The following LPCAT3 variants were observed in gnomAD, a reference collection of about 807,000 sequenced individuals.
The protein encoded by LPCAT3 is lysophosphatidylcholine acyltransferase 3.
In LPCAT3, 21 loss-of-function variants were observed where a neutral mutation model predicts 63.4. That is an observed-to-expected ratio of 0.33 (90% CI 0.23 to 0.48). The LOEUF (loss-of-function observed/expected upper bound fraction) is 0.48, where lower values mean the gene tolerates loss of function less well. Ranked by LOEUF, LPCAT3 falls within the 20% of genes least tolerant of loss-of-function variation. The probability of loss-of-function intolerance (pLI) is 0.99; values close to 1 mark genes in which losing one functional copy is unlikely to be tolerated. For missense variants in LPCAT3, 451 were observed against 590.6 expected, an observed-to-expected ratio of 0.76 and a Z score of 2.45; for synonymous variants, 242 against 227.5, an observed-to-expected ratio of 1.06 and a Z score of -0.58.
At chr12:6,981,458 A>C in intron 5 of LPCAT3, 137 bp downstream of exon 5, 2 of 895,200 alleles carry the variant, frequency 2.2e-6, no homozygotes, top group Non-Finnish European at 3.7e-6. Flanking sequence ...GCTCAGTGCT[A>C]TCTGAAAGGG....
chr12:6,979,659 G>A, intron 6 of LPCAT3, 80 bp from the exon 7 acceptor site: 2 of 952,524 alleles, frequency 2.1e-6, no homozygotes, highest in Non-Finnish European at 3.4e-6. Context: ...GTTATGGAGA[G>A]GAGTGTTTAG....
At chr12:6,979,690 AATGGG>A in intron 6 of LPCAT3, 111 bp from the exon 7 acceptor site, 1 of 728,230 alleles carries the variant, frequency 1.4e-6, no homozygotes. Flanking sequence ...GTCTACCTGG[AATGGG>A]ATGAGAAGCT....
chr12:6,992,963 A>G (rs1188510836), intron 1 of LPCAT3, among the ~76,000 whole-genome samples: 1 of 152,190 alleles, frequency 6.6e-6, no homozygotes, highest in Non-Finnish European at 1.5e-5. Context: ...GCTGCTATAT[A>G]GCATATTGTT....
chr12:6,983,281 T>G, intron 2 of LPCAT3, 151 bp downstream of exon 2: 1 of 633,222 alleles, frequency 1.6e-6, no homozygotes, highest in Non-Finnish European at 2.8e-6. Context: ...AAAGGAAAAG[T>G]TAAGCTGTGT....
At chr12:7,004,735 T>C (rs1460577811) in intron 1 of LPCAT3, among the ~76,000 whole-genome samples, 2 of 152,162 alleles carry the variant, frequency 1.3e-5, no homozygotes, top group African/African-American at 4.8e-5. Flanking sequence ...AGTATCTCTT[T>C]CTCATTTCAC....
intron 1 of LPCAT3, among the ~76,000 whole-genome samples, chr12:7,007,649 C>T (rs372175791): frequency 6.6e-6 from 1 of 151,560 alleles, no homozygotes; most frequent in Non-Finnish European, 1.5e-5. Flanking sequence ...CGTGCACCAC[C>T]GTGCCCGGCT....
intron 1 of LPCAT3, among the ~76,000 whole-genome samples, chr12:7,007,486 A>T (rs1591557355): frequency 6.7e-6 from 1 of 150,144 alleles, no homozygotes; most frequent in African/African-American, 2.5e-5. Flanking sequence ...TCTTTAATTG[A>T]CAAAAGCTTT....
chr12:6,998,332 A>G (rs1161856641), intron 1 of LPCAT3, among the ~76,000 whole-genome samples: 2 of 152,210 alleles, frequency 1.3e-5, no homozygotes, highest in Non-Finnish European at 2.9e-5. Context: ...GTGCTTTCTA[A>G]TGCCTATTGA....
intron 1 of LPCAT3, among the ~76,000 whole-genome samples, chr12:7,007,614 C>T (rs1238519430): frequency 1.3e-5 from 2 of 151,360 alleles, no homozygotes; most frequent in Non-Finnish European, 2.9e-5. Context: ...CCTGCCTCAG[C>T]CTCCCGAGTA....
At chr12:7,016,558 T>C (rs1946798821) in intron 1 of LPCAT3, among the ~76,000 whole-genome samples, 1 of 152,216 alleles carries the variant, frequency 6.6e-6, no homozygotes, top group Non-Finnish European at 1.5e-5. Flanking sequence ...ATTACAGGCA[T>C]GTGCCCCTGC....
At chr12:7,004,936 T>C (rs1444672007) in intron 1 of LPCAT3, among the ~76,000 whole-genome samples, 1 of 152,204 alleles carries the variant, frequency 6.6e-6, no homozygotes, top group African/African-American at 2.4e-5. Context: ...TGATCATGCA[T>C]AGTCCTTCTT....
intron 1 of LPCAT3, among the ~76,000 whole-genome samples, chr12:6,991,218 C>G (rs1172256037): frequency 6.6e-6 from 1 of 152,114 alleles, no homozygotes; most frequent in Non-Finnish European, 1.5e-5. Flanking sequence ...TTAAAATATA[C>G]AAAGAAAATC....
In LPCAT3 at chr12:6,979,526, T is replaced by C; in HGVS notation, c.731A>G (p.Tyr244Cys). The change falls in exon 7 of 13, where the codon TAC becomes TGC. Residue 244 changes from tyrosine to cysteine, a missense_variant. Transcript: ENST00000261407. ...LSLGLFYLVG[Y>C]TLLSPHITED... ...TGTGATGTGGGGGCTGAGCAGTGTG[T>C]AGCCCACTAGGTAGAAAAGGCCCAG... is the stretch of plus-strand genomic sequence containing the variant. 1 of 1,614,156 alleles carries C rather than the reference T, an allele frequency of 6.2e-7. No homozygotes were observed. Among genetic ancestry groups the C allele is most frequent in the Non-Finnish European group, 8.5e-7 (1 of 1,179,998 alleles).
chr12:7,017,451 G>C lies in LPCAT3; in HGVS notation c.151+823C>G, dbSNP rs1373399385. Among the ~76,000 whole-genome samples the C allele has an allele frequency of 6.6e-6, 1 of 152,108 alleles. No individual in the cohort carries two copies. Among genetic ancestry groups the C allele is most frequent in the Admixed American group, 6.6e-5 (1 of 15,258 alleles). On this transcript the variant is annotated intron_variant, in intron 1 of 12. Transcript: ENST00000261407. This position sits in a 1 kb window ranked among gnomAD's most constrained non-coding sequence, Gnocchi z 4.1. ...GCAGCAACAAGGCTGGATCTGATTT[G>C]TTTGCCTTCAAAACCCATACTTTTT...
chr12:7,016,401 C>T (rs1946797913), intron 1 of LPCAT3, among the ~76,000 whole-genome samples: 1 of 152,014 alleles, frequency 6.6e-6, no homozygotes, highest in Non-Finnish European at 1.5e-5. Context: ...CTCAGCCTCC[C>T]AAGTAGCTGG....
chr12:6,997,803 C>T (rs1487639672), intron 1 of LPCAT3, among the ~76,000 whole-genome samples: 3 of 152,024 alleles, frequency 2.0e-5, no homozygotes, highest in African/African-American at 7.2e-5. Flanking sequence ...TCAGGCTGGT[C>T]TCGAACTCCT....
rs1946426544 is a variant in LPCAT3, at chr12:6,977,904, T to G, written c.1041-159A>C. Reference sequence around the variant, plus strand: ...GGAGGCAGTGCTGACTGATTACTTTTAGAGATGGAAAGCAGACCCAAGGCG... The same window carrying G: ...GGAGGCAGTGCTGACTGATTACTTTGAGAGATGGAAAGCAGACCCAAGGCG... On this transcript the variant is annotated intron_variant, in intron 9 of 12. Transcript: ENST00000261407. The surrounding 1 kb of genome is among the most constrained non-coding windows in gnomAD (Gnocchi z 4.5). 2 of 828,704 alleles carry G rather than the reference T, an allele frequency of 2.4e-6. No homozygotes were observed. The highest frequency in any genetic ancestry group is 5.1e-5 in the East Asian group (2 of 39,066). The allele number at this position is 828,704 out of a possible 1,614,324, so 51.3% of individuals were successfully genotyped here. A position where few individuals can be genotyped will look rare whatever the true frequency, so the allele number is the denominator to read the frequency against.
At chr12:6,981,205 G>C (rs1228789656) in intron 5 of LPCAT3, 23 bp from the exon 6 acceptor site, 4 of 1,578,082 alleles carry the variant, frequency 2.5e-6, no homozygotes, top group Non-Finnish European at 3.4e-6. Flanking sequence ...GAGAATGCAT[G>C]GTTCAGGATA....
chr12:6,997,307 C>T (rs1946644975), intron 1 of LPCAT3: 1 of 151,798 alleles, frequency 6.6e-6, no homozygotes, highest in Non-Finnish European at 1.5e-5. Context: ...TCAAGTGATC[C>T]TCCTGCCTGA....
Sources: allele counts gnomAD v4.1 joint callset (sites outside exome capture counted in the v4.1 genomes callset), GRCh38; gene constraint gnomAD v4.1.1; non-coding constraint Gnocchi (gnomAD v3.1); transcripts MANE v1.5; gene names NCBI Gene and HGNC (gene_info 2026-07-23, HGNC 2026-07-21).